DHX15: variants seen among roughly 807,000 people sequenced by gnomAD.
The protein encoded by DHX15 is ATP-dependent RNA helicase DHX15.
Under a neutral mutation model 94.4 loss-of-function variants are expected in DHX15, and 11 were observed. The observed-to-expected ratio is 0.12, with a 90% confidence interval of 0.07 to 0.19. DHX15 has a LOEUF of 0.19. Ranked by LOEUF, DHX15 falls within the 10% of genes least tolerant of loss-of-function variation. The pLI, the probability that DHX15 is intolerant of heterozygous loss-of-function variation, is 1.00. For synonymous variants in DHX15, 338 were observed against 329.9 expected, an observed-to-expected ratio of 1.02 and a Z score of -0.27; for missense variants, 304 against 988.5, an observed-to-expected ratio of 0.31 and a Z score of 9.29.
Position 24,582,907 on chromosome 4 carries a change from T to G in DHX15, c.71+1416A>C, listed in dbSNP as rs1014075025. Among the ~76,000 whole-genome samples the G allele has an allele frequency of 2.6e-5, 4 of 152,366 alleles. No homozygotes were observed. The East Asian group carries it at 7.7e-4, about 29-fold the overall frequency. On this transcript the variant is annotated intron_variant, in intron 1 of 13. Transcript: ENST00000336812. ...TACAATGTCATTGTCTTTTTTACAATGCCTAATATCGTAAACTAAATAACT... is the reference window on the plus strand; with the variant it reads ...TACAATGTCATTGTCTTTTTTACAAGGCCTAATATCGTAAACTAAATAACT...
chr4:24,551,540 A>T (rs1010892670), intron 5 of DHX15, among the ~76,000 whole-genome samples: 12 of 152,176 alleles, frequency 7.9e-5, no homozygotes, highest in African/African-American at 2.4e-4. Flanking sequence ...ATGTTACTAG[A>T]TCCTCCTTTG....
In DHX15 at chr4:24,556,234, A is replaced by T. The variant is rs1721736676; in HGVS notation, c.861+17T>A. ...TACACACATATATAGTTAAATGGAGAGAAGAAATTACTTCACCTTTAAATC... is the reference window on the plus strand; with the variant it reads ...TACACACATATATAGTTAAATGGAGTGAAGAAATTACTTCACCTTTAAATC... On this transcript the variant is annotated intron_variant, in intron 4 of 13. Transcript: ENST00000336812. 6.2e-7 allele frequency: 1 copy of T among 1,611,018 alleles called. No homozygotes were observed.
chr4:24,570,978 G>A (rs1046949547), intron 2 of DHX15, 131 bp from the exon 3 acceptor site: 7 of 916,272 alleles, frequency 7.6e-6, no homozygotes, highest in Non-Finnish European at 1.1e-5. Context: ...TAAGACTTGT[G>A]ATTCAAAACT....
rs111920958 is a variant in DHX15 at position 24,547,911 on chromosome 4, A to G, written c.1248+944T>C. 6.5e-3 allele frequency among the ~76,000 whole-genome samples: 98 copies of G among 15,092 alleles called. 2 individuals carry two copies. The highest frequency in any genetic ancestry group is 0.027 in the East Asian group (9 of 338). 9.9% of individuals were successfully genotyped at this position (15,092 alleles called of 152,430 possible). Reference sequence around the variant, plus strand: ...TCTCTATGTATGTATGTGTATATATATATATATATATATATATATATATAT... The same window carrying G: ...TCTCTATGTATGTATGTGTATATATGTATATATATATATATATATATATAT... On this transcript the variant is annotated intron_variant, in intron 6 of 13. Coordinates refer to ENST00000336812, the MANE Select transcript of DHX15 (RefSeq NM_001358.3).
chr4:24,568,199 A>G (rs1390979496), intron 3 of DHX15, among the ~76,000 whole-genome samples: 2 of 152,264 alleles, frequency 1.3e-5, no homozygotes, highest in Non-Finnish European at 2.9e-5. Context: ...AGTGAAAATT[A>G]AAGTTCGCCC....
At chr4:24,576,804 T>C in intron 1 of DHX15, 126 bp from the exon 2 acceptor site, 1 of 1,333,200 alleles carries the variant, frequency 7.5e-7, no homozygotes, top group Non-Finnish European at 1.0e-6. Flanking sequence ...ATTATGTAAC[T>C]ATCAGAAATA....
At chr4:24,543,461 C>A (rs935771003) in intron 6 of DHX15, among the ~76,000 whole-genome samples, 2 of 152,032 alleles carry the variant, frequency 1.3e-5, no homozygotes, top group African/African-American at 4.8e-5. Context: ...ATTTATATCA[C>A]CAAAATTCAA....
rs117228354 is a variant in DHX15, at chr4:24,581,757, A to T, written c.71+2566T>A. ...ATGAAAAACGCCCCTAACATCGAAA[A>T]CTTTTTTCCATACTTCAACAGTAAG... On this transcript the variant is annotated intron_variant, in intron 1 of 13. Coordinates refer to ENST00000336812, the MANE Select transcript of DHX15 (RefSeq NM_001358.3). 1.3e-3 allele frequency among the ~76,000 whole-genome samples: 191 copies of T among 152,276 alleles called. 2 individuals are homozygous for T. The East Asian group carries it at 0.032, about 26-fold the overall frequency.
chr4:24,560,934 C>T (rs955445037), intron 3 of DHX15, among the ~76,000 whole-genome samples: 2 of 152,116 alleles, frequency 1.3e-5, no homozygotes, highest in African/African-American at 4.8e-5. Context: ...TTTTATAATG[C>T]TGAGTTGGCA....
intron 6 of DHX15, among the ~76,000 whole-genome samples, chr4:24,545,610 A>C (rs1274631626): frequency 6.6e-6 from 1 of 152,236 alleles, no homozygotes; most frequent in Non-Finnish European, 1.5e-5. Context: ...AAAATAGCTA[A>C]GGCTAAATAC....
chr4:24,578,795 G>A (rs938932123), intron 1 of DHX15, among the ~76,000 whole-genome samples: 1 of 151,984 alleles, frequency 6.6e-6, no homozygotes, highest in Admixed American at 6.5e-5. Flanking sequence ...CAACTCCTGG[G>A]ATCAAGCAAT....
chr4:24,553,502 G>C (rs951497376), intron 5 of DHX15, among the ~76,000 whole-genome samples: 2 of 149,906 alleles, frequency 1.3e-5, no homozygotes, highest in African/African-American at 4.9e-5. Context: ...GGCCAGGTGT[G>C]GTGGCTCGCG....
At chr4:24,530,874 G>C (rs942928907) in intron 12 of DHX15, 17 of 152,058 alleles carry the variant, frequency 1.1e-4, no homozygotes, top group Admixed American at 2.0e-4. Flanking sequence ...TAGGTGTCAG[G>C]TACTATAATG....
rs1721227315 is a variant in DHX15, at chr4:24,537,861, CA to C, written c.1787-689del. 6.6e-6 allele frequency: 1 copy of C among 151,704 alleles called. No homozygotes were observed. The highest frequency in any genetic ancestry group is 2.4e-5 in the African/African-American group (1 of 41,280). The allele number at this position is 151,704 out of a possible 1,614,324, so 9.4% of individuals were successfully genotyped here. ...TCAGCCTAGTGTTTCAGCATTTTAACAAAAGGATTAGAAAATAAAGTCCCAA... is the reference window on the plus strand; with the variant it reads ...TCAGCCTAGTGTTTCAGCATTTTAACAAAGGATTAGAAAATAAAGTCCCAA... On this transcript the variant is annotated intron_variant, in intron 10 of 13. Transcript: ENST00000336812. The surrounding 1 kb of genome is among the most constrained non-coding windows in gnomAD (Gnocchi z 4.7).
chr4:24,544,615 G>T (rs1021284188), intron 6 of DHX15, among the ~76,000 whole-genome samples: 2 of 152,172 alleles, frequency 1.3e-5, no homozygotes, highest in African/African-American at 4.8e-5. Flanking sequence ...TAATATTCTA[G>T]AAAGTCAGTT....
At chr4:24,572,694 A>C (rs1322594140) in intron 2 of DHX15, among the ~76,000 whole-genome samples, 1 of 152,218 alleles carries the variant, frequency 6.6e-6, no homozygotes, top group East Asian at 1.9e-4. Context: ...CTACTTTTCA[A>C]ACAAAAAAAC....
chr4:24,530,089 G>A (rs1374424407), intron 12 of DHX15: 2 of 390,336 alleles, frequency 5.1e-6, no homozygotes, highest in Non-Finnish European at 9.3e-6. Context: ...CATAAGGAAA[G>A]TTTTATTAGA....
chr4:24,584,261 C>T (rs923846446), intron 1 of DHX15, 62 bp downstream of exon 1: 74 of 1,528,696 alleles, frequency 4.8e-5, no homozygotes, highest in Non-Finnish European at 6.4e-5. Context: ...AGCCCCGGCC[C>T]GCTCCCTGCC....
In DHX15 at chr4:24,570,707, T is replaced by C; in HGVS notation, c.648A>G (p.Glu216=). 6.2e-7 allele frequency: 1 copy of C among 1,614,190 alleles called. No individual in the cohort carries two copies. The highest frequency in any genetic ancestry group is 1.1e-5 in the South Asian group (1 of 91,080). The change falls in exon 3 of 14, where the codon GAA becomes GAG. Residue 216 remains glutamate, a synonymous_variant. Transcript: ENST00000336812. ...ADEMDVMLGQ[E]VGYSIRFEDC... ...CTTCAAATCGAATGGAGTAACCAAC[T>C]TCCTGGCCCAACATCACATCCATCT...
Sources: gnomAD v4.1 joint callset for allele counts (sites outside exome capture counted in the v4.1 genomes callset) on GRCh38, gnomAD v4.1.1 for gene constraint, Gnocchi (gnomAD v3.1) non-coding constraint, MANE v1.5 for transcripts, NCBI Gene and HGNC (gene_info 2026-07-23, HGNC 2026-07-21) for gene names.